Variants in JMJD1C observed in about 807,000 individuals in gnomAD.
JMJD1C encodes the protein jumonji domain containing 1C.
A neutral mutation model predicts 245.3 loss-of-function variants in JMJD1C; 31 were observed. That is an observed-to-expected ratio of 0.13 (90% confidence interval 0.09 to 0.17). The LOEUF is 0.17. JMJD1C is among the 10% of genes least tolerant of loss of function. JMJD1C has a pLI of 1.00. For missense variants in JMJD1C, 2,691 were observed against 3,000.2 expected, an observed-to-expected ratio of 0.90 and a Z score of 2.41; for synonymous variants, 1,057 against 1,017.4, an observed-to-expected ratio of 1.04 and a Z score of -0.74.
chr10:63,226,279 T>TA (rs1310342790), intron 3 of JMJD1C, among the ~76,000 whole-genome samples: 9 of 152,138 alleles, frequency 5.9e-5, no homozygotes, highest in Non-Finnish European at 1.3e-4. Context: ...TCAGAAAGTG[T>TA]AAAAGAGAAG....
intron 2 of JMJD1C, among the ~76,000 whole-genome samples, chr10:63,282,076 G>C (rs749336777): frequency 2.1e-4 from 32 of 152,054 alleles, no homozygotes; most frequent in Non-Finnish European, 2.5e-4. Flanking sequence ...TGTCCTCTTA[G>C]AAACTTGAAT....
intron 2 of JMJD1C, among the ~76,000 whole-genome samples, chr10:63,344,029 C>A (rs1020422982): frequency 6.6e-6 from 1 of 152,068 alleles, no homozygotes. Flanking sequence ...CAGATAGAGA[C>A]CCTGTCTCAA....
chr10:63,456,074 G>A (rs1393548284), intron 1 of JMJD1C, among the ~76,000 whole-genome samples: 1 of 151,938 alleles, frequency 6.6e-6, no homozygotes, highest in Non-Finnish European at 1.5e-5. Flanking sequence ...GTTACGGAAA[G>A]GTGAAATACA....
chr10:63,386,644 C>T (rs1344556633), intron 1 of JMJD1C, among the ~76,000 whole-genome samples: 2 of 152,250 alleles, frequency 1.3e-5, no homozygotes, highest in Non-Finnish European at 2.9e-5. Flanking sequence ...CACCCACCCA[C>T]ATGTGGGCAC....
At chr10:63,197,327 A>T (rs1159515806) in intron 13 of JMJD1C, 84 bp downstream of exon 13, 1 of 1,200,756 alleles carries the variant, frequency 8.3e-7, no homozygotes, top group Non-Finnish European at 1.2e-6. Context: ...AAGTAGGAAT[A>T]AAAAAACACA....
At chr10:63,274,411 TA>T (rs1856595106) in intron 2 of JMJD1C, among the ~76,000 whole-genome samples, 1 of 151,334 alleles carries the variant, frequency 6.6e-6, no homozygotes, top group African/African-American at 2.4e-5. Context: ...AAAGAATAAA[TA>T]AAAATAGCCA....
At chr10:63,233,631 G>A (rs1048294441) in intron 3 of JMJD1C, among the ~76,000 whole-genome samples, 3 of 151,370 alleles carry the variant, frequency 2.0e-5, no homozygotes, top group Non-Finnish European at 4.4e-5. Context: ...ATTTTATCTT[G>A]GCTCAAATGA....
intron 2 of JMJD1C, among the ~76,000 whole-genome samples, chr10:63,335,377 A>G (rs938920478): frequency 2.0e-5 from 3 of 152,254 alleles, no homozygotes; most frequent in African/African-American, 7.2e-5. Flanking sequence ...GAGAATATAA[A>G]GAAGTGCTTA....
At chr10:63,263,217 A>T (rs1855019868) in intron 3 of JMJD1C, among the ~76,000 whole-genome samples, 1 of 152,240 alleles carries the variant, frequency 6.6e-6, no homozygotes, top group Non-Finnish European at 1.5e-5. Flanking sequence ...AAAGAACAAA[A>T]GCTAACAATA....
At chr10:63,373,736 CA>C (rs998307256) in intron 2 of JMJD1C, among the ~76,000 whole-genome samples, 1 of 152,168 alleles carries the variant, frequency 6.6e-6, no homozygotes, top group African/African-American at 2.4e-5. Flanking sequence ...ACAGATCCCT[CA>C]AATTTCTCAA....
intron 3 of JMJD1C, among the ~76,000 whole-genome samples, chr10:63,237,734 C>CA (rs1319926165): frequency 3.3e-5 from 5 of 152,074 alleles, no homozygotes; most frequent in Admixed American, 3.3e-4. Context: ...TAGTTGAGCA[C>CA]ACATAATTAG....
intron 1 of JMJD1C, among the ~76,000 whole-genome samples, chr10:63,436,392 T>G (rs879292451): frequency 6.6e-5 from 10 of 152,226 alleles, no homozygotes; most frequent in Non-Finnish European, 1.2e-4. Flanking sequence ...AAATCTCCTT[T>G]GAAGCTACTT....
intron 1 of JMJD1C, among the ~76,000 whole-genome samples, chr10:63,445,050 T>C (rs959292561): frequency 3.9e-5 from 6 of 151,972 alleles, no homozygotes; most frequent in Non-Finnish European, 7.4e-5. Flanking sequence ...AACATAGTGA[T>C]ACCCAGTCTC....
At position 63,315,864 on chromosome 10, in the gene JMJD1C, A is replaced by G. The variant is rs112892636; in HGVS notation, c.334-51100T>C. ...AAAAAAAAAAAAAAAACACCACGAAAAAAAAAAAGAAGAAATTCTAATGGC... is the reference window on the plus strand; with the variant it reads ...AAAAAAAAAAAAAAAACACCACGAAGAAAAAAAAGAAGAAATTCTAATGGC... On this transcript the variant is annotated intron_variant, in intron 2 of 25. Coordinates refer to ENST00000399262, the MANE Select transcript of JMJD1C (RefSeq NM_032776.3). Among the ~76,000 whole-genome samples the G allele has an allele frequency of 8.4e-3, 1,268 of 150,954 alleles. 13 individuals carry two copies. Among genetic ancestry groups the G allele is most frequent in the Non-Finnish European group, 0.013 (887 of 67,704 alleles).
At chr10:63,424,786 C>CTCTCGACACCAGATTT (rs1488744072) in intron 1 of JMJD1C, among the ~76,000 whole-genome samples, 1 of 152,100 alleles carries the variant, frequency 6.6e-6, no homozygotes. Context: ...CAAAAGCAAA[C>CTCTCGACACCAGATTT]TCTCGACACC....
intron 2 of JMJD1C, among the ~76,000 whole-genome samples, chr10:63,272,521 G>A (rs1331836235): frequency 6.6e-6 from 1 of 152,154 alleles, no homozygotes; most frequent in African/African-American, 2.4e-5. Context: ...AAAGTTGCTG[G>A]GATTACAGGC....
intron 2 of JMJD1C, among the ~76,000 whole-genome samples, chr10:63,330,207 CA>C (rs1489542588): frequency 6.6e-6 from 1 of 152,128 alleles, no homozygotes; most frequent in African/African-American, 2.4e-5. Context: ...CGGCCCTAAG[CA>C]CGTTTAAAGG....
chr10:63,208,434 T>C lies in JMJD1C; in HGVS notation c.3235A>G (p.Lys1079Glu), dbSNP rs932810197. 11 of 1,613,950 alleles carry C rather than the reference T, an allele frequency of 6.8e-6. No individual in the cohort carries two copies. Among genetic ancestry groups the C allele is most frequent in the African/African-American group, 5.3e-5 (4 of 74,920 alleles). Residue 1079 changes from lysine (K) to glutamate (E), a missense_variant, in exon 10 of 26, where the codon AAA becomes GAA. Physicochemically the swap from Lys to Glu is moderately conservative, Grantham distance 56. This residue lies in a region of JMJD1C where 1,562 missense variants were observed against 1,490.7 expected (regional missense o/e 1.05). Transcript: ENST00000399262. ...DVERSVSDLY[K>E]MKHSVPQSLP... ...CTCTGAGGCACTGAGTGCTTCATTT[T>C]ATAAAGATCTGATACTGAGCGTTCT...
chr10:63,186,279 G>A lies in JMJD1C; in HGVS notation c.6675C>T (p.Cys2225=). 1 of 1,613,022 alleles carries A rather than the reference G, an allele frequency of 6.2e-7. No homozygotes were observed. Among genetic ancestry groups the A allele is most frequent in the Non-Finnish European group, 8.5e-7 (1 of 1,179,460 alleles). The change falls in exon 19 of 26, where the codon TGC becomes TGT. Residue 2225 remains cysteine, a synonymous_variant. Transcript: ENST00000399262. ...TGGCATTTGAAATGATGCTATCTTT[G>A]CAGTTCAGGAGATCAGCTTGGTGGT... ...FGDHQADLLN[C]KDSIISNANV... is the part of the protein sequence containing the mutation.
Sources: allele counts gnomAD v4.1 joint callset (sites outside exome capture counted in the v4.1 genomes callset), GRCh38; gene constraint gnomAD v4.1.1; regional missense constraint gnomAD v4.1.1; transcripts MANE v1.5; gene names NCBI Gene and HGNC (gene_info 2026-07-23, HGNC 2026-07-21).